The following RBFOX1 variants were observed in gnomAD, a reference collection of about 807,000 sequenced individuals.
RBFOX1 encodes the protein RNA binding fox-1 homolog 1.
Under a neutral mutation model 57.7 loss-of-function variants are expected in RBFOX1, and 8 were observed. The ratio of observed to expected loss-of-function variants is 0.14; its 90% CI spans 0.08 to 0.25. The LOEUF (loss-of-function observed/expected upper bound fraction) is 0.25, where lower values mean the gene tolerates loss of function less well. Ranked by LOEUF, RBFOX1 falls within the 10% of genes least tolerant of loss-of-function variation. The probability of loss-of-function intolerance (pLI) is 1.00; values close to 1 mark genes in which losing one functional copy is unlikely to be tolerated. For synonymous variants in RBFOX1, 326 were observed against 222.4 expected (o/e 1.47, Z -4.15); for missense variants, 611 against 548.5 (o/e 1.11, Z -1.14).
intron 3 of RBFOX1, among the ~76,000 whole-genome samples, chr16:5,747,001 C>T (rs867091861): frequency 2.0e-5 from 3 of 152,284 alleles, no homozygotes; most frequent in South Asian, 4.1e-4. Flanking sequence ...TGAGAGAGGG[C>T]ATCCCTGTCT....
intron 3 of RBFOX1, among the ~76,000 whole-genome samples, chr16:6,842,292 C>T (rs1475317146): frequency 6.6e-6 from 1 of 150,416 alleles, no homozygotes; most frequent in Non-Finnish European, 1.5e-5. Flanking sequence ...ATAAAAACAA[C>T]TTTCTTAATT....
intron 5 of RBFOX1, among the ~76,000 whole-genome samples, chr16:7,543,773 T>C (rs2152489240): frequency 6.6e-6 from 1 of 151,876 alleles, no homozygotes; most frequent in African/African-American, 2.4e-5. Context: ...CAGGCTGGAG[T>C]GCAGTGGCAC....
rs144668389 is a variant in RBFOX1, at chr16:6,220,214, A to G, written c.-126-96781A>G. Among the ~76,000 whole-genome samples the G allele has an allele frequency of 1.3e-3, 202 of 152,234 alleles. 4 individuals carry two copies. The highest frequency in any genetic ancestry group is 4.8e-3 in the African/African-American group (200 of 41,534). ...TGTGGGTGTGTGTATATGTATATAT[A>G]CATTCATCTATCCATTTATCGTCTA... On this transcript the variant is annotated intron_variant, in intron 1 of 15. Coordinates refer to ENST00000550418, the MANE Select transcript of RBFOX1 (RefSeq NM_018723.4).
chr16:6,169,595 G>C (rs2096943189), intron 1 of RBFOX1, among the ~76,000 whole-genome samples: 1 of 152,126 alleles, frequency 6.6e-6, no homozygotes, highest in Non-Finnish European at 1.5e-5. Flanking sequence ...AGGGAAATGA[G>C]GTACAGAAAT....
At chr16:6,604,181 C>T (rs569730380) in intron 2 of RBFOX1, among the ~76,000 whole-genome samples, 22 of 151,834 alleles carry the variant, frequency 1.4e-4, no homozygotes, top group African/African-American at 3.9e-4. Context: ...TCACTGTGAT[C>T]AACCCAGCAA....
At chr16:6,013,254 C>T (rs1055022314) in intron 4 of RBFOX1, among the ~76,000 whole-genome samples, 16 of 152,136 alleles carry the variant, frequency 1.1e-4, no homozygotes, top group Admixed American at 3.9e-4. Context: ...TACTAAATAG[C>T]ATATAAACAA....
intron 4 of RBFOX1, among the ~76,000 whole-genome samples, chr16:7,259,468 C>A (rs17143108): frequency 0.011 from 1,680 of 151,886 alleles, 37 homozygotes; most frequent in African/African-American, 0.038. Flanking sequence ...AATATTGCAG[C>A]CATTTGCATT....
chr16:7,629,473 G>A (rs2060596209), intron 10 of RBFOX1, among the ~76,000 whole-genome samples: 1 of 152,088 alleles, frequency 6.6e-6, no homozygotes, highest in Admixed American at 6.5e-5. Context: ...GTCCTGACAG[G>A]GGAATCCAAA....
At chr16:5,748,772 A>G (rs1293614075) in intron 3 of RBFOX1, among the ~76,000 whole-genome samples, 4 of 152,042 alleles carry the variant, frequency 2.6e-5, no homozygotes, top group African/African-American at 9.7e-5. Context: ...GTCTCTGCAC[A>G]TGAGATGGGT....
intron 1 of RBFOX1, among the ~76,000 whole-genome samples, chr16:6,157,344 G>T (rs1202159971): frequency 1.3e-5 from 2 of 151,996 alleles, no homozygotes; most frequent in East Asian, 1.9e-4. Flanking sequence ...TACAACACAG[G>T]ATGCCCAGCT....
chr16:6,504,706 C>T (rs748215808), intron 2 of RBFOX1, among the ~76,000 whole-genome samples: 2 of 152,138 alleles, frequency 1.3e-5, no homozygotes, highest in Admixed American at 1.3e-4. Context: ...TGCATACTTG[C>T]AAGCTTTATC....
At chr16:5,349,959 A>C (rs890088074) in intron 1 of RBFOX1, among the ~76,000 whole-genome samples, 1 of 152,154 alleles carries the variant, frequency 6.6e-6, no homozygotes, top group Non-Finnish European at 1.5e-5. Flanking sequence ...TCACTCCTCT[A>C]TAATTACCCA....
At chr16:7,073,376 A>G (rs2057717052) in intron 4 of RBFOX1, among the ~76,000 whole-genome samples, 1 of 152,214 alleles carries the variant, frequency 6.6e-6, no homozygotes, top group Non-Finnish European at 1.5e-5. Flanking sequence ...TCTTCCCAAC[A>G]AAGCATGAAA....
At chr16:7,275,545 C>T (rs1344784794) in intron 4 of RBFOX1, among the ~76,000 whole-genome samples, 2 of 152,178 alleles carry the variant, frequency 1.3e-5, no homozygotes, top group African/African-American at 4.8e-5. Context: ...TTTGCTCTTG[C>T]TGCTAATTGC....
intron 2 of RBFOX1, among the ~76,000 whole-genome samples, chr16:6,559,461 G>C (rs992887091): frequency 6.6e-6 from 1 of 152,036 alleles, no homozygotes; most frequent in Non-Finnish European, 1.5e-5. Flanking sequence ...TTTAGAAAGA[G>C]GAGAAGAGTT....
chr16:6,089,040 G>A (rs2096130307), intron 1 of RBFOX1, among the ~76,000 whole-genome samples: 1 of 147,782 alleles, frequency 6.8e-6, no homozygotes, highest in Non-Finnish European at 1.5e-5. Context: ...AGGTTGCAGT[G>A]AGCCAACAGA....
intron 1 of RBFOX1, among the ~76,000 whole-genome samples, chr16:5,330,993 A>G (rs1295829818): frequency 6.6e-6 from 1 of 152,052 alleles, no homozygotes; most frequent in Non-Finnish European, 1.5e-5. Flanking sequence ...GTTTTTTTCC[A>G]ATTAAATTTA....
chr16:7,133,500 G>A (rs1276270983), intron 4 of RBFOX1, among the ~76,000 whole-genome samples: 1 of 152,146 alleles, frequency 6.6e-6, no homozygotes, highest in Non-Finnish European at 1.5e-5. Context: ...GGTAGCTTTT[G>A]TTGCAACCAA....
At chr16:6,949,552 G>T (rs9935698) in intron 3 of RBFOX1, among the ~76,000 whole-genome samples, 7,589 of 152,016 alleles carry the variant, frequency 0.05, 507 homozygotes, top group African/African-American at 0.15. Context: ...TACTGATGAC[G>T]ATCTTCGGGG....
Sources: allele counts gnomAD v4.1 joint callset (sites outside exome capture counted in the v4.1 genomes callset), GRCh38; gene constraint gnomAD v4.1.1; transcripts MANE v1.5; gene names NCBI Gene and HGNC (gene_info 2026-07-23, HGNC 2026-07-21).